DUOXA2: variants seen among roughly 807,000 people sequenced by gnomAD.
DUOXA2 encodes the protein dual oxidase maturation factor 2.
Under a neutral mutation model 27.6 loss-of-function variants are expected in DUOXA2, and 22 were observed. The observed-to-expected ratio is 0.80, with a 90% CI of 0.57 to 1.14. The LOEUF is 1.14. Ranked by LOEUF, DUOXA2 falls within the 50% of genes most tolerant of loss-of-function variation. The pLI, the probability that DUOXA2 is intolerant of heterozygous loss-of-function variation, is 0.00. For synonymous variants in DUOXA2, 188 were observed against 184.4 expected (o/e 1.02, Z -0.16); for missense variants, 481 against 419.9 (o/e 1.15, Z -1.27).
At position 45,117,887 on chromosome 15, in the gene DUOXA2, A is replaced by G. The variant is rs1162646907; in HGVS notation, c.941A>G (p.Lys314Arg). The G allele has an allele frequency of 6.2e-7, 1 of 1,613,404 alleles. No homozygotes were observed. ...LHKQAALPDL[K>R]CITTNL ...AAGCAGGCCGCTCTCCCAGACTTAAAATGTATCACCACTAACCTGTGAGGG... is the reference window on the plus strand; with the variant it reads ...AAGCAGGCCGCTCTCCCAGACTTAAGATGTATCACCACTAACCTGTGAGGG... The change falls in exon 6 of 6, where the codon AAA becomes AGA. Residue 314 changes from lysine to arginine, a missense_variant. Physicochemically the swap from Lys to Arg is conservative, Grantham distance 26. Coordinates refer to ENST00000323030, the MANE Select transcript of DUOXA2 (RefSeq NM_207581.4).
Position 45,117,534 on chromosome 15 carries a change from C to G in DUOXA2, c.770-182C>G, listed in dbSNP as rs61751061. 143,068 of 1,560,270 alleles carry G rather than the reference C, an allele frequency of 0.092. 11,530 individuals carry two copies. The highest frequency in any genetic ancestry group is 0.43 in the African/African-American group (31,459 of 73,224). On this transcript the variant is annotated intron_variant, in intron 5 of 5. Coordinates refer to ENST00000323030, the MANE Select transcript of DUOXA2 (RefSeq NM_207581.4). The stretch of plus-strand genomic sequence containing the variant: ...TGTAATTCAGATTAGAGGTGTGTGG[C>G]GGGAGGTAACACAAGGGGTAGGCTC...
chr15:45,117,096 C>G lies in DUOXA2; in HGVS notation c.560C>G (p.Ala187Gly). Residue 187 changes from alanine (A) to glycine (G), a missense_variant, in exon 5 of 6, where the codon GCG (alanine) becomes GGG (glycine). Transcript: ENST00000323030. ...GHYASATLWV[A>G]FCFWLLSNVL... ...GTCCCCCCACTCCCCGGCAGGGTGG[C>G]GTTCTGCTTCTGGCTCCTCTCCAAC... 1 of 1,598,934 alleles carries G rather than the reference C, an allele frequency of 6.3e-7. No homozygotes were observed. The highest frequency in any genetic ancestry group is 8.5e-7 in the Non-Finnish European group (1 of 1,179,826).
rs746763725 is a variant in DUOXA2, at chr15:45,117,699, G to A, written c.770-17G>A. 1.2e-6 allele frequency: 2 copies of A among 1,613,512 alleles called. No homozygotes were observed. Among genetic ancestry groups the A allele is most frequent in the African/African-American group, 2.7e-5 (2 of 75,040 alleles). On this transcript the variant is annotated splice_polypyrimidine_tract_variant and intron_variant, in intron 5 of 5. Coordinates refer to ENST00000323030, the MANE Select transcript of DUOXA2 (RefSeq NM_207581.4). ...GACTCCACATGCCCTCCTTTCTTTC[G>A]ATCCCCACCGCCACAGGCGTCCTGT...
rs753497230 is a variant in DUOXA2 at position 45,118,034 on chromosome 15, C to A, written c.*125C>A. 13 of 1,595,730 alleles carry A rather than the reference C, an allele frequency of 8.1e-6. No individual in the cohort carries two copies. The East Asian group carries it at 2.7e-4, about 33-fold the overall frequency. ...AGCGCTGCTGGCGCGAGGCCTCGGA[C>A]ATCCGCAGGCACCAGGGAAAGTCTC... On this transcript the variant is annotated 3_prime_UTR_variant, in exon 6 of 6. Coordinates refer to ENST00000323030, the MANE Select transcript of DUOXA2 (RefSeq NM_207581.4).
intron 4 of DUOXA2, 29 bp downstream of exon 4, chr15:45,116,758 C>CGT (rs143807757): frequency 3.1e-5 from 49 of 1,583,990 alleles, no homozygotes; most frequent in South Asian, 1.2e-4. Context: ...GCTGTGTGCA[C>CGT]GTGTGTGTGT....
chr15:45,116,465 T>C (rs1894636253), intron 3 of DUOXA2, 51 bp from the exon 4 acceptor site: 1 of 1,604,392 alleles, frequency 6.2e-7, no homozygotes, highest in East Asian at 2.2e-5. Context: ...ATCCGCTTAG[T>C]TGCGAGGTCT....
intron 4 of DUOXA2, 56 bp downstream of exon 4, chr15:45,116,785 T>C: frequency 6.3e-7 from 1 of 1,586,566 alleles, no homozygotes; most frequent in South Asian, 1.1e-5. Flanking sequence ...AGCTGGGCCG[T>C]ATGAGCGGGA....
At position 45,114,594 on chromosome 15, in the gene DUOXA2, C is replaced by G. The variant is rs768635745; in HGVS notation, c.-12C>G. On this transcript the variant is annotated 5_prime_UTR_variant, in exon 1 of 6. Coordinates refer to ENST00000323030, the MANE Select transcript of DUOXA2 (RefSeq NM_207581.4). ...CTGCCCGCCTGCGTGCAGCACTCGG[C>G]CGGCGTGCAGCATGACCCTGTGGAA... is the stretch of plus-strand genomic sequence containing the variant. 2 of 1,613,360 alleles carry G rather than the reference C, an allele frequency of 1.2e-6. No homozygotes were observed. Among genetic ancestry groups the G allele is most frequent in the Non-Finnish European group, 1.7e-6 (2 of 1,179,908 alleles).
At position 45,114,580 on chromosome 15, in the gene DUOXA2, C is replaced by T. The variant is rs777767044; in HGVS notation, c.-26C>T. 1 of 1,612,758 alleles carries T rather than the reference C, an allele frequency of 6.2e-7. No individual in the cohort carries two copies. The highest frequency in any genetic ancestry group is 2.2e-5 in the East Asian group (1 of 44,864). On this transcript the variant is annotated 5_prime_UTR_variant, in exon 1 of 6. Coordinates refer to ENST00000323030, the MANE Select transcript of DUOXA2 (RefSeq NM_207581.4). ...GCTTGCTGGCTTGCCTGCCCGCCTG[C>T]GTGCAGCACTCGGCCGGCGTGCAGC...
rs1486946764 is a variant in DUOXA2 at position 45,117,937 on chromosome 15, G to C, written c.*28G>C. Reference sequence around the variant, plus strand: ...GGGACCCAATCTGGACTCCTTCCCCGCCTTGGGACATCGCAGGCCGGGAAG... The same window carrying C: ...GGGACCCAATCTGGACTCCTTCCCCCCCTTGGGACATCGCAGGCCGGGAAG... On this transcript the variant is annotated 3_prime_UTR_variant, in exon 6 of 6. Coordinates refer to ENST00000323030, the MANE Select transcript of DUOXA2 (RefSeq NM_207581.4). The C allele has an allele frequency of 6.2e-7, 1 of 1,612,970 alleles. No individual in the cohort carries two copies. The highest frequency in any genetic ancestry group is 1.3e-5 in the African/African-American group (1 of 74,928).
In DUOXA2 at chr15:45,118,109, GT is replaced by G; in HGVS notation, c.*205del. ...TTTTTTCTTTTGTTTTTTAAAAACT[GT>G]TTTTCCCATTAATTTTCATGGCTTC... is the stretch of plus-strand genomic sequence containing the variant. On this transcript the variant is annotated 3_prime_UTR_variant, in exon 6 of 6. Coordinates refer to ENST00000323030, the MANE Select transcript of DUOXA2 (RefSeq NM_207581.4). 2 of 1,483,538 alleles carry G rather than the reference GT, an allele frequency of 1.3e-6. No individual in the cohort carries two copies. Among genetic ancestry groups the G allele is most frequent in the Non-Finnish European group, 1.8e-6 (2 of 1,121,730 alleles). 91.9% of individuals were successfully genotyped at this position (1,483,538 alleles called of 1,614,324 possible).
At position 45,118,060 on chromosome 15, in the gene DUOXA2, C is replaced by T. The variant is rs1260999871; in HGVS notation, c.*151C>T. On this transcript the variant is annotated 3_prime_UTR_variant, in exon 6 of 6. Transcript: ENST00000323030. ...ATCCGCAGGCACCAGGGAAAGTCTC[C>T]TGGGGCGATCTGTAAATAAACCTTT... 6.4e-7 allele frequency: 1 copy of T among 1,554,884 alleles called. No homozygotes were observed. Among genetic ancestry groups the T allele is most frequent in the Non-Finnish European group, 8.7e-7 (1 of 1,152,280 alleles).
Position 45,117,534 on chromosome 15 carries a change from C to T in DUOXA2, c.770-182C>T, listed in dbSNP as rs61751061. On this transcript the variant is annotated intron_variant, in intron 5 of 5. Coordinates refer to ENST00000323030, the MANE Select transcript of DUOXA2 (RefSeq NM_207581.4). ...TGTAATTCAGATTAGAGGTGTGTGG[C>T]GGGAGGTAACACAAGGGGTAGGCTC... The T allele has an allele frequency of 2.6e-6, 4 of 1,560,242 alleles. No homozygotes were observed. The highest frequency in any genetic ancestry group is 3.5e-6 in the Non-Finnish European group (4 of 1,151,486).
At chr15:45,117,418 C>T in intron 5 of DUOXA2, 113 bp downstream of exon 5, 3 of 1,518,198 alleles carry the variant, frequency 2.0e-6, no homozygotes, top group Non-Finnish European at 2.7e-6. Context: ...ATTTGCCCCT[C>T]TCAATAGTTC....
chr15:45,117,756 C>G lies in DUOXA2; in HGVS notation c.810C>G (p.Leu270=), dbSNP rs1412498121. ...CLFLGGAVVS[L]QYVRPSALRT... ...TCCTCGGAGGGGCCGTGGTGAGTCT[C>G]CAGTATGTTCGGCCCAGCGCTCTTC... Residue 270 remains leucine (L), a synonymous_variant, in exon 6 of 6, where the codon CTC becomes CTG. Coordinates refer to ENST00000323030, the MANE Select transcript of DUOXA2 (RefSeq NM_207581.4). 1.9e-6 allele frequency: 3 copies of G among 1,613,576 alleles called. No individual in the cohort carries two copies. The highest frequency in any genetic ancestry group is 2.5e-6 in the Non-Finnish European group (3 of 1,179,758).
Position 45,116,663 on chromosome 15 carries a change from C to G in DUOXA2, c.488C>G (p.Pro163Arg), listed in dbSNP as rs778830755. The change falls in exon 4 of 6, where the codon CCG (proline) becomes CGG (arginine). Residue 163 changes from proline to arginine, a missense_variant. Pro to Arg is a moderately radical substitution (Grantham distance 103, BLOSUM62 -2). Coordinates refer to ENST00000323030, the MANE Select transcript of DUOXA2 (RefSeq NM_207581.4). ...PVLYLAEKFT[P>R]SSPCGLYHQY... is the part of the protein sequence containing the mutation. ...CTCTACCTGGCGGAGAAGTTCACAC[C>G]GAGTAGCCCTTGCGGCCTGTACCAC... The G allele has an allele frequency of 6.2e-7, 1 of 1,613,814 alleles. No homozygotes were observed. The highest frequency in any genetic ancestry group is 1.7e-4 in the Middle Eastern group (1 of 6,060).
intron 4 of DUOXA2, 151 bp from the exon 5 acceptor site, chr15:45,116,940 G>T (rs1894666650): frequency 1.8e-6 from 2 of 1,099,096 alleles, no homozygotes; most frequent in Non-Finnish European, 2.6e-6. Flanking sequence ...GACCTCAGGA[G>T]CCCGCTTCTC....
Position 45,114,444 on chromosome 15 carries a change from A to G in DUOXA2, c.-162A>G. Reference sequence around the variant, plus strand: ...AGAGCGTTGAGAGCAGCCCACCTCCACGCTTCCTTAACGGAGAGGTGCAGG... The same window carrying G: ...AGAGCGTTGAGAGCAGCCCACCTCCGCGCTTCCTTAACGGAGAGGTGCAGG... On this transcript the variant is annotated 5_prime_UTR_variant, in exon 1 of 6. Coordinates refer to ENST00000323030, the MANE Select transcript of DUOXA2 (RefSeq NM_207581.4). 2.1e-6 allele frequency: 2 copies of G among 931,892 alleles called. No homozygotes were observed. The highest frequency in any genetic ancestry group is 3.3e-6 in the Non-Finnish European group (2 of 613,916). 57.7% of individuals were successfully genotyped at this position (931,892 alleles called of 1,614,324 possible). A position where few individuals can be genotyped will look rare whatever the true frequency, so the allele number is the denominator to read the frequency against.
At chr15:45,116,484 G>T (rs1292576978) in intron 3 of DUOXA2, 32 bp from the exon 4 acceptor site, 3 of 1,610,644 alleles carry the variant, frequency 1.9e-6, no homozygotes, top group Non-Finnish European at 1.7e-6. Flanking sequence ...CTCCGACCGC[G>T]GGCAGCCCCA....
Sources: gnomAD v4.1 joint callset for allele counts on GRCh38, gnomAD v4.1.1 for gene constraint, MANE v1.5 for transcripts, NCBI Gene and HGNC (gene_info 2026-07-23, HGNC 2026-07-21) for gene names.